The following SRRM4 variants were observed in gnomAD, a reference collection of about 807,000 sequenced individuals.
SRRM4 encodes serine/arginine repetitive matrix 4, also known as serine/arginine repetitive matrix protein 4.
In SRRM4, 33 loss-of-function variants were observed where a neutral mutation model predicts 68.9. The ratio of observed to expected loss-of-function variants is 0.48; its 90% CI spans 0.36 to 0.64. The LOEUF (loss-of-function observed/expected upper bound fraction) is 0.64. Among genes scored for constraint, SRRM4 ranks in the 30% least tolerant of loss-of-function variants. The pLI, the probability that SRRM4 is intolerant of heterozygous loss-of-function variation, is 0.00. For synonymous variants in SRRM4, 318 were observed against 318.8 expected, an observed-to-expected ratio of 1.00 and a Z score of 0.03; for missense variants, 817 against 827.1, an observed-to-expected ratio of 0.99 and a Z score of 0.15.
chr12:119,021,405 G>T (rs889688709), intron 1 of SRRM4, among the ~76,000 whole-genome samples: 19 of 152,296 alleles, frequency 1.2e-4, no homozygotes, highest in South Asian at 4.1e-4. Context: ...GCTATGGAAG[G>T]CTGAGCTTTC....
rs947364486 is a variant in SRRM4 at position 119,145,133 on chromosome 12, C to T, written c.772-248C>T. Among the ~76,000 whole-genome samples the T allele has an allele frequency of 3.3e-5, 5 of 151,924 alleles. No homozygotes were observed. In the East Asian group the frequency reaches 5.8e-4, roughly 18 times the overall value. On this transcript the variant is annotated intron_variant, in intron 8 of 12. Coordinates refer to ENST00000267260, the MANE Select transcript of SRRM4 (RefSeq NM_194286.4). ...CCTTTTTCTTTTGTTTAATCTGAATCGCATGCTTTTTCTCTGCATGATACC... is the reference window on the plus strand; with the variant it reads ...CCTTTTTCTTTTGTTTAATCTGAATTGCATGCTTTTTCTCTGCATGATACC...
intron 8 of SRRM4, among the ~76,000 whole-genome samples, chr12:119,136,097 C>G (rs988355563): frequency 2.0e-5 from 3 of 152,142 alleles, no homozygotes; most frequent in Non-Finnish European, 4.4e-5. Context: ...TTTTTGTCAT[C>G]ATAGCAGCTT....
intron 4 of SRRM4, among the ~76,000 whole-genome samples, chr12:119,117,683 G>A (rs1954189728): frequency 6.6e-6 from 1 of 152,128 alleles, no homozygotes; most frequent in African/African-American, 2.4e-5. Context: ...GGAGACCAAG[G>A]TGGGCAGATC....
chr12:119,030,475 TATTA>T (rs1265911417), intron 1 of SRRM4, among the ~76,000 whole-genome samples: 2 of 129,494 alleles, frequency 1.5e-5, no homozygotes, highest in Non-Finnish European at 3.2e-5. Flanking sequence ...TGTTGACTTG[TATTA>T]ATTAATCTTG....
intron 1 of SRRM4, among the ~76,000 whole-genome samples, chr12:119,002,899 C>A (rs953837677): frequency 6.7e-6 from 1 of 150,338 alleles, no homozygotes; most frequent in Non-Finnish European, 1.5e-5. Flanking sequence ...ACACCAAGGC[C>A]AGTGTTTACA....
intron 1 of SRRM4, among the ~76,000 whole-genome samples, chr12:119,009,664 T>C (rs1232563769): frequency 6.6e-6 from 1 of 152,172 alleles, no homozygotes. Flanking sequence ...CAGCAATACC[T>C]ACTCACCGGG....
chr12:119,011,246 A>G (rs1348618091), intron 1 of SRRM4, among the ~76,000 whole-genome samples: 2 of 150,736 alleles, frequency 1.3e-5, no homozygotes, highest in African/African-American at 5.0e-5. Context: ...AAAAACAAAT[A>G]AACAAAGTAC....
At chr12:119,144,216 C>T (rs1954386172) in intron 8 of SRRM4, among the ~76,000 whole-genome samples, 1 of 152,128 alleles carries the variant, frequency 6.6e-6, no homozygotes, top group African/African-American at 2.4e-5. Context: ...TCCTCCCTCC[C>T]TCGTGCCCCC....
At chr12:119,099,096 G>T (rs1471847640) in intron 1 of SRRM4, among the ~76,000 whole-genome samples, 1 of 151,942 alleles carries the variant, frequency 6.6e-6, no homozygotes, top group African/African-American at 2.4e-5. Flanking sequence ...CTCACCTCTT[G>T]CCACTCTAGC....
In SRRM4 at chr12:119,154,486, T is replaced by C; in HGVS notation, c.1532+103T>C. The C allele has an allele frequency of 7.4e-7, 1 of 1,354,910 alleles. No homozygotes were observed. The highest frequency in any genetic ancestry group is 2.2e-5 in the Admixed American group (1 of 45,084). The allele number at this position is 1,354,910 out of a possible 1,614,324, so 83.9% of individuals were successfully genotyped here. On this transcript the variant is annotated intron_variant, in intron 12 of 12. Coordinates refer to ENST00000267260, the MANE Select transcript of SRRM4 (RefSeq NM_194286.4). This position sits in a 1 kb window ranked among gnomAD's most constrained non-coding sequence, Gnocchi z 4.7. Reference sequence around the variant, plus strand: ...TCCCTAGGCCTCCTTGGGGCTGGGATTTAGGATTGTGCGAGCTTATGGTCC... The same window carrying C: ...TCCCTAGGCCTCCTTGGGGCTGGGACTTAGGATTGTGCGAGCTTATGGTCC...
rs189921209 is a variant in SRRM4 at position 119,097,368 on chromosome 12, C to T, written c.132-4868C>T. On this transcript the variant is annotated intron_variant, in intron 1 of 12. Transcript: ENST00000267260. ...TTTATTTGTAAGGAGAGTTAGGATC[C>T]GATCTGTGGTTCCCACATGAGATCG... is the stretch of plus-strand genomic sequence containing the variant. Among the ~76,000 whole-genome samples the T allele has an allele frequency of 7.7e-4, 118 of 152,280 alleles. 2 individuals carry two copies. Among genetic ancestry groups the T allele is most frequent in the African/African-American group, 2.7e-3 (112 of 41,566 alleles).
At chr12:119,149,621 G>T (rs1421750389) in intron 9 of SRRM4, among the ~76,000 whole-genome samples, 2 of 152,208 alleles carry the variant, frequency 1.3e-5, no homozygotes, top group African/African-American at 4.8e-5. Context: ...GTGAGGTCAA[G>T]CTAAAGCCAG....
At chr12:119,016,051 C>G (rs571164147) in intron 1 of SRRM4, among the ~76,000 whole-genome samples, 1 of 152,100 alleles carries the variant, frequency 6.6e-6, no homozygotes, top group Non-Finnish European at 1.5e-5. Context: ...TCCAATACAA[C>G]TGGTATCCTT....
rs537738909 is a variant in SRRM4, at chr12:119,023,624, A to G, written c.131+41611A>G. Among the ~76,000 whole-genome samples, 49 of 152,314 alleles carry G rather than the reference A, an allele frequency of 3.2e-4. No individual in the cohort carries two copies. The South Asian group carries it at 8.9e-3, about 28-fold the overall frequency. On this transcript the variant is annotated intron_variant, in intron 1 of 12. Transcript: ENST00000267260. Reference sequence around the variant, plus strand: ...ACCTTCCCAACATGCAAACCAGATTATGTCACACAGCTGCTTAAAACCTTC... The same window carrying G: ...ACCTTCCCAACATGCAAACCAGATTGTGTCACACAGCTGCTTAAAACCTTC...
intron 7 of SRRM4, among the ~76,000 whole-genome samples, chr12:119,127,714 G>C (rs538139951): frequency 7.3e-6 from 1 of 136,244 alleles, no homozygotes; most frequent in East Asian, 2.1e-4. Context: ...GGTGACAAAA[G>C]TGAAAGTCTG....
chr12:119,117,048 G>A (rs766895478), intron 4 of SRRM4, 40 bp downstream of exon 4: 9 of 1,562,186 alleles, frequency 5.8e-6, no homozygotes, highest in Non-Finnish European at 6.2e-6. Flanking sequence ...CTCCCCAGGT[G>A]GGGTGGGGAG....
At chr12:119,017,356 C>T (rs1953488233) in intron 1 of SRRM4, among the ~76,000 whole-genome samples, 1 of 152,240 alleles carries the variant, frequency 6.6e-6, no homozygotes, top group Non-Finnish European at 1.5e-5. Context: ...TGGAAAGGCA[C>T]ATCAGCATCC....
chr12:119,036,449 AC>A (rs1953627901), intron 1 of SRRM4, among the ~76,000 whole-genome samples: 1 of 152,086 alleles, frequency 6.6e-6, no homozygotes, highest in South Asian at 2.1e-4. Flanking sequence ...CACTCTGACA[AC>A]CCCATATCCT....
intron 1 of SRRM4, among the ~76,000 whole-genome samples, chr12:119,093,410 G>A (rs1954026116): frequency 6.6e-6 from 1 of 152,156 alleles, no homozygotes. Context: ...TGGGTTGGGG[G>A]TTTCCTCTTA....
Sources: allele counts gnomAD v4.1 joint callset (sites outside exome capture counted in the v4.1 genomes callset), GRCh38; gene constraint gnomAD v4.1.1; non-coding constraint Gnocchi (gnomAD v3.1); transcripts MANE v1.5; gene names NCBI Gene and HGNC (gene_info 2026-07-23, HGNC 2026-07-21).